FAM227B: variants seen among roughly 807,000 people sequenced by gnomAD.
FAM227B encodes family with sequence similarity 227 member B.
A neutral mutation model predicts 73.8 loss-of-function variants in FAM227B; 88 were observed. The observed-to-expected ratio is 1.19, with a 90% CI of 1.00 to 1.42. The LOEUF (loss-of-function observed/expected upper bound fraction) is 1.42. Ranked by LOEUF, FAM227B falls within the 40% of genes most tolerant of loss-of-function variation. The pLI, the probability that FAM227B is intolerant of heterozygous loss-of-function variation, is 0.00. For missense variants in FAM227B, 632 were observed against 590.9 expected, an observed-to-expected ratio of 1.07 and a Z score of -0.72; for synonymous variants, 210 against 190.5, an observed-to-expected ratio of 1.10 and a Z score of -0.84.
chr15:49,535,952 AT>A (rs1381123966), intron 10 of FAM227B, among the ~76,000 whole-genome samples: 4 of 151,704 alleles, frequency 2.6e-5, no homozygotes, highest in Admixed American at 6.6e-5. Flanking sequence ...CATGGCTAAC[AT>A]TATAATCAAT....
chr15:49,532,187 C>T (rs1427734392), intron 10 of FAM227B, among the ~76,000 whole-genome samples: 4 of 151,346 alleles, frequency 2.6e-5, no homozygotes, highest in Non-Finnish European at 5.9e-5. Flanking sequence ...ATGTTCCTCT[C>T]AATTAAATTA....
At chr15:49,427,004 A>C (rs1288679743) in intron 11 of FAM227B, among the ~76,000 whole-genome samples, 1 of 151,922 alleles carries the variant, frequency 6.6e-6, no homozygotes, top group Non-Finnish European at 1.5e-5. Flanking sequence ...AGGATAAGCC[A>C]CTCTTTTTTT....
chr15:49,580,951 C>G (rs1202132322), intron 5 of FAM227B, among the ~76,000 whole-genome samples: 1 of 152,030 alleles, frequency 6.6e-6, no homozygotes, highest in South Asian at 2.1e-4. Context: ...AAATAATGAA[C>G]AAAACCTCTG....
At chr15:49,584,147 T>A (rs2152393368) in intron 5 of FAM227B, among the ~76,000 whole-genome samples, 1 of 152,198 alleles carries the variant, frequency 6.6e-6, no homozygotes, top group Admixed American at 6.5e-5. Context: ...CAGCAGTACA[T>A]CAAAAAGCTT....
At chr15:49,561,756 A>G (rs1306109541) in intron 9 of FAM227B, among the ~76,000 whole-genome samples, 3 of 152,170 alleles carry the variant, frequency 2.0e-5, no homozygotes, top group African/African-American at 7.2e-5. Flanking sequence ...GTTTTTTGGT[A>G]AACAACTAAG....
At chr15:49,593,343 T>C (rs1420049648) in intron 3 of FAM227B, among the ~76,000 whole-genome samples, 1 of 152,240 alleles carries the variant, frequency 6.6e-6, no homozygotes, top group Non-Finnish European at 1.5e-5. Context: ...ATTTCTTTCA[T>C]CAATATTTTA....
At chr15:49,521,325 CCCATTAAAGTG>C (rs1202895825) in intron 10 of FAM227B, among the ~76,000 whole-genome samples, 1 of 152,144 alleles carries the variant, frequency 6.6e-6, no homozygotes, top group African/African-American at 2.4e-5. Flanking sequence ...GGCAGTGCAG[CCCATTAAAGTG>C]CCCTTTGAAA....
intron 11 of FAM227B, among the ~76,000 whole-genome samples, chr15:49,398,030 C>T (rs1382190133): frequency 6.6e-6 from 1 of 152,076 alleles, no homozygotes; most frequent in Non-Finnish European, 1.5e-5. Flanking sequence ...ACTAAATGCT[C>T]CAATTAAAAG....
In FAM227B at chr15:49,588,062, C is replaced by T. The variant is rs184983763; in HGVS notation, c.359G>A (p.Arg120Gln). The T allele has an allele frequency of 9.9e-6, 14 of 1,413,602 alleles. No homozygotes were observed. The East Asian group carries it at 1.0e-4, about 11-fold the overall frequency. The allele number at this position is 1,413,602 out of a possible 1,614,324, so 87.6% of individuals were successfully genotyped here. A position where few individuals can be genotyped will look rare whatever the true frequency, so the allele number is the denominator to read the frequency against. The change falls in exon 5 of 16, where the codon CGA (arginine) becomes CAA (glutamine). Residue 120 changes from arginine (R) to glutamine (Q), a missense_variant. Coordinates refer to ENST00000299338, the MANE Select transcript of FAM227B (RefSeq NM_152647.3). ...SETSSYRKLERYGEFLKKYHK... is the reference protein window; with the variant it reads ...SETSSYRKLEQYGEFLKKYHK... ...GTACTTCTTTAGAAATTCCCCATAT[C>T]GTTCCAATTTTCTATAAGAACCTTT...
intron 1 of FAM227B, among the ~76,000 whole-genome samples, chr15:49,615,501 A>G (rs1333139922): frequency 6.6e-6 from 1 of 152,056 alleles, no homozygotes; most frequent in African/African-American, 2.4e-5. Context: ...ACTTCTCATG[A>G]GATCTGGTTG....
intron 10 of FAM227B, among the ~76,000 whole-genome samples, chr15:49,520,753 A>T (rs2152164475): frequency 6.6e-6 from 1 of 152,182 alleles, no homozygotes; most frequent in South Asian, 2.1e-4. Context: ...CCTCCCATCA[A>T]GTCCCTTCCA....
chr15:49,351,020 C>T (rs1011148047), intron 13 of FAM227B, among the ~76,000 whole-genome samples: 3 of 152,202 alleles, frequency 2.0e-5, no homozygotes, highest in Non-Finnish European at 4.4e-5. Flanking sequence ...ACCACACTGG[C>T]CAGTGCATAA....
chr15:49,526,581 T>C (rs2060221652), intron 10 of FAM227B, among the ~76,000 whole-genome samples: 2 of 151,726 alleles, frequency 1.3e-5, no homozygotes, highest in Admixed American at 1.3e-4. Flanking sequence ...ATTAAGAAAG[T>C]GATACAAAAC....
intron 11 of FAM227B, chr15:49,488,039 A>G (rs1267022210): frequency 6.6e-6 from 1 of 151,990 alleles, no homozygotes; most frequent in Non-Finnish European, 1.5e-5. Flanking sequence ...GATAACAAAA[A>G]TATTTAACAG....
chr15:49,446,430 T>C (rs1597246797), intron 11 of FAM227B, among the ~76,000 whole-genome samples: 1 of 151,606 alleles, frequency 6.6e-6, no homozygotes, highest in East Asian at 1.9e-4. Context: ...TAAGTTACGA[T>C]AGTTGCTAGT....
chr15:49,353,630 G>A (rs201368990), intron 13 of FAM227B: 25 of 64,784 alleles, frequency 3.9e-4, no homozygotes, highest in African/African-American at 1.4e-3. Context: ...TTTTTTTTTT[G>A]TAAAATCTCA....
chr15:49,485,486 T>C (rs1160567764), intron 11 of FAM227B: 2 of 152,412 alleles, frequency 1.3e-5, no homozygotes, highest in Admixed American at 6.6e-5. Context: ...AAAAAAAACC[T>C]TAATAAGCTG....
chr15:49,601,126 C>T (rs1009084912), intron 3 of FAM227B, among the ~76,000 whole-genome samples: 7 of 148,166 alleles, frequency 4.7e-5, no homozygotes, highest in South Asian at 2.2e-4. Flanking sequence ...ACAGTAATTG[C>T]GGTTTTTGCC....
At chr15:49,453,212 T>A (rs1000028952) in intron 11 of FAM227B, among the ~76,000 whole-genome samples, 5 of 152,094 alleles carry the variant, frequency 3.3e-5, no homozygotes, top group African/African-American at 1.2e-4. Flanking sequence ...ATGTTCTGTT[T>A]AATCTAATAC....
Sources: gnomAD v4.1 joint callset for allele counts (sites outside exome capture counted in the v4.1 genomes callset) on GRCh38, gnomAD v4.1.1 for gene constraint, MANE v1.5 for transcripts, NCBI Gene and HGNC (gene_info 2026-07-23, HGNC 2026-07-21) for gene names.